The following KDM5C variants were observed in gnomAD, a reference collection of about 807,000 sequenced individuals.
KDM5C encodes the protein lysine-specific demethylase 5C.
A neutral mutation model predicts 110.6 loss-of-function variants in KDM5C; 16 were observed. The ratio of observed to expected loss-of-function variants is 0.14; its 90% CI spans 0.10 to 0.22. KDM5C has a LOEUF of 0.22. KDM5C is among the 10% of genes least tolerant of loss of function. The probability of loss-of-function intolerance (pLI) is 1.00; values close to 1 mark genes in which losing one functional copy is unlikely to be tolerated. For missense variants in KDM5C, 681 were observed against 1,300.9 expected, an observed-to-expected ratio of 0.52 and a Z score of 7.33; for synonymous variants, 511 against 520.4, an observed-to-expected ratio of 0.98 and a Z score of 0.24.
chrX:53,195,178 A>G, intron 21 of KDM5C, 53 bp downstream of exon 21: 1 of 1,177,401 alleles, frequency 8.5e-7, no homozygotes, highest in Non-Finnish European at 1.1e-6. Flanking sequence ...GCCATCTCAC[A>G]GAAGCCAGGG....
chrX:53,189,705 GC>G (rs1287155441), downstream of KDM5C, among the ~76,000 whole-genome samples: 2 of 112,741 alleles, frequency 1.8e-5, no homozygotes, highest in African/African-American at 6.4e-5. Context: ...ACAGTGTGGA[GC>G]CCCAACTGAT....
downstream of KDM5C, chrX:53,192,121 T>C (rs1470677920): frequency 1.7e-5 from 3 of 174,679 alleles, no homozygotes; most frequent in African/African-American, 8.8e-5. Flanking sequence ...GGAAGCACTG[T>C]CTTCCCCGTC....
At position 53,192,644 on chromosome X, in the gene KDM5C, G is replaced by A; in HGVS notation, c.*323C>T. On this transcript the variant is annotated 3_prime_UTR_variant, in exon 26 of 26. Transcript: ENST00000375401. The stretch of plus-strand genomic sequence containing the variant: ...AGTCCCCCAGTTTGCATATACACTG[G>A]CCTTGTCTCTGGAATGGTGATGGCC... The A allele has an allele frequency of 1.1e-6, 1 of 942,150 alleles. No homozygotes were observed. The highest frequency in any genetic ancestry group is 1.9e-5 in the African/African-American group (1 of 51,448). 77.6% of individuals were successfully genotyped at this position (942,150 alleles called of 1,213,427 possible).
rs1556850983 is a variant in KDM5C, at chrX:53,214,994, T to C, written c.964-147A>G. 6.6e-6 allele frequency: 4 copies of C among 602,466 alleles called. No homozygotes were observed. The African/African-American group carries it at 6.7e-5, about 10-fold the overall frequency. 49.6% of individuals were successfully genotyped at this position (602,466 alleles called of 1,213,427 possible). On this transcript the variant is annotated intron_variant, in intron 7 of 25. Transcript: ENST00000375401. ...ATCTCCCCAAATAAGCAGGTAGAGC[T>C]GCAAGAGCAGTCTTTTATCATCCAG...
chrX:53,212,821 T>C (rs781829223), intron 8 of KDM5C: 2 of 108,074 alleles, frequency 1.9e-5, no homozygotes, highest in East Asian at 6.1e-4. Flanking sequence ...GCCACCATGG[T>C]GAAACCCTGT....
chrX:53,209,822 A>G (rs190878047), intron 12 of KDM5C, among the ~76,000 whole-genome samples: 1 of 112,497 alleles, frequency 8.9e-6, no homozygotes, highest in Non-Finnish European at 1.9e-5. Context: ...AGAAAGAAGT[A>G]CACAGAGGAT....
At chrX:53,183,762 C>T (rs1266743554) in intron 25 of KDM5C, among the ~76,000 whole-genome samples, 4 of 109,944 alleles carry the variant, frequency 3.6e-5, no homozygotes, top group Non-Finnish European at 5.7e-5. Flanking sequence ...TTAGTAGATA[C>T]GGGGGTTTCA....
intron 12 of KDM5C, among the ~76,000 whole-genome samples, chrX:53,209,377 T>C (rs1487645845): frequency 2.7e-5 from 3 of 110,905 alleles, no homozygotes; most frequent in African/African-American, 9.9e-5. Context: ...AGTCCTTGGT[T>C]AAATATCACT....
chrX:53,195,225 C>T lies in KDM5C; in HGVS notation c.3300+6G>A, dbSNP rs375036474. The T allele has an allele frequency of 4.2e-6, 5 of 1,199,800 alleles. No individual in the cohort carries two copies. The highest frequency in any genetic ancestry group is 5.6e-6 in the Non-Finnish European group (5 of 888,632). On this transcript the variant is annotated splice_donor_region_variant and intron_variant, in intron 21 of 25. Transcript: ENST00000375401. ...AGACGCTGTAGGTCAAGGTCCCAGG[C>T]CTCACCTCCAGCAGCGTGTAGCAAG...
intron 18 of KDM5C, among the ~76,000 whole-genome samples, chrX:53,197,300 A>G (rs782704144): frequency 9.0e-6 from 1 of 111,639 alleles, no homozygotes; most frequent in East Asian, 2.8e-4. Flanking sequence ...TAATTAACTA[A>G]TAATTATTAA....
intron 1 of KDM5C, among the ~76,000 whole-genome samples, chrX:53,223,895 A>G (rs969522485): frequency 1.8e-5 from 2 of 111,882 alleles, no homozygotes; most frequent in African/African-American, 6.5e-5. Context: ...AAACATCTCC[A>G]TAGGAAGTCA....
In KDM5C at chrX:53,192,883, C is replaced by CCACA; in HGVS notation, c.*83_*84insTGTG. On this transcript the variant is annotated 3_prime_UTR_variant, in exon 26 of 26. Coordinates refer to ENST00000375401, the MANE Select transcript of KDM5C (RefSeq NM_004187.5). ...GCCACCCCCCTACCCGCCCACCCCC[C>CCACA]AAGAAGCAGGCTTGATGGTCAGAAA... The CCACA allele has an allele frequency of 1.9e-6, 2 of 1,063,289 alleles. No homozygotes were observed. Among genetic ancestry groups the CCACA allele is most frequent in the Non-Finnish European group, 2.5e-6 (2 of 809,515 alleles). The allele number at this position is 1,063,289 out of a possible 1,213,427, so 87.6% of individuals were successfully genotyped here.
chrX:53,194,907 C>T, intron 22 of KDM5C, 24 bp downstream of exon 22: 1 of 1,210,189 alleles, frequency 8.3e-7, no homozygotes, highest in Non-Finnish European at 1.1e-6. Flanking sequence ...AGCCCTTCTC[C>T]CCATCTGTGT....
Position 53,215,975 on chromosome X carries a change from A to T in KDM5C, c.783T>A (p.Asp261Glu). 8.3e-7 allele frequency: 1 copy of T among 1,211,615 alleles called. No homozygotes were observed. The highest frequency in any genetic ancestry group is 1.8e-5 in the South Asian group (1 of 57,003). ...MAKDKTLRKKDKEGPECPPTV... is the reference protein window; with the variant it reads ...MAKDKTLRKKEKEGPECPPTV... The stretch of plus-strand genomic sequence containing the variant: ...TGGGGGGACACTCAGGCCCCTCCTT[A>T]TCTGGGAGAGAGAAAAATGGCTGTA... Residue 261 changes from aspartate to glutamate, a missense_variant and splice_region_variant, in exon 7 of 26, where the codon GAT (aspartate) becomes GAA (glutamate). This residue lies in a region of KDM5C where 71 missense variants were observed against 115.0 expected (regional missense o/e 0.62). Transcript: ENST00000375401.
At chrX:53,218,042 C>A in intron 3 of KDM5C, 76 bp from the exon 4 acceptor site, 1 of 1,075,710 alleles carries the variant, frequency 9.3e-7, no homozygotes, top group Non-Finnish European at 1.3e-6. Flanking sequence ...GTAGAAAGGG[C>A]AAAAGGGCAA....
intron 12 of KDM5C, among the ~76,000 whole-genome samples, chrX:53,206,667 C>A (rs2073339796): frequency 9.2e-6 from 1 of 108,705 alleles, no homozygotes; most frequent in Non-Finnish European, 1.9e-5. Context: ...AGTTCAAGAT[C>A]AGCCTGGCCA....
rs782457546 is a variant in KDM5C, at chrX:53,197,763, G to A, written c.2622+8C>T. 1.0e-5 allele frequency: 12 copies of A among 1,188,378 alleles called. No individual in the cohort carries two copies. Among genetic ancestry groups the A allele is most frequent in the South Asian group, 1.8e-5 (1 of 54,660 alleles). On this transcript the variant is annotated splice_region_variant and intron_variant, in intron 18 of 25. Transcript: ENST00000375401. ...TTGATCCCTCATCAGCACTCCAAGC[G>A]TCCTCACCTTGACATCCCCAATCTG...
intron 22 of KDM5C, 61 bp from the exon 23 acceptor site, chrX:53,194,799 C>T (rs980284072): frequency 3.3e-6 from 4 of 1,194,740 alleles, no homozygotes; most frequent in African/African-American, 3.6e-5. Context: ...TTCTCTGGGC[C>T]CCCCCTTAAC....
chrX:53,210,582 C>T lies in KDM5C; in HGVS notation c.1584-6G>A. On this transcript the variant is annotated splice_polypyrimidine_tract_variant and splice_region_variant and intron_variant, in intron 11 of 25. Transcript: ENST00000375401. The stretch of plus-strand genomic sequence containing the variant: ...ACCAGGTCTTCGGCTCACCCCTGCA[C>T]AAGTGGAAAAGGGACACACACAGTA... 8.3e-7 allele frequency: 1 copy of T among 1,212,031 alleles called. No individual in the cohort carries two copies.
Sources: gnomAD v4.1 joint callset for allele counts (sites outside exome capture counted in the v4.1 genomes callset) on GRCh38, gnomAD v4.1.1 for gene constraint, gnomAD v4.1.1 regional missense constraint, MANE v1.5 for transcripts, NCBI Gene and HGNC (gene_info 2026-07-23, HGNC 2026-07-21) for gene names.